COL1A2: variants seen among roughly 807,000 people sequenced by gnomAD.
The protein encoded by COL1A2 is collagen alpha-2(I) chain.
Under a neutral mutation model 174.3 loss-of-function variants are expected in COL1A2, and 49 were observed. The ratio of observed to expected loss-of-function variants is 0.28; its 90% CI spans 0.22 to 0.36. The LOEUF (loss-of-function observed/expected upper bound fraction) is 0.36. Ranked by LOEUF, COL1A2 falls within the 10% of genes least tolerant of loss-of-function variation. The probability of loss-of-function intolerance (pLI) is 1.00; values close to 1 mark genes in which losing one functional copy is unlikely to be tolerated. For synonymous variants in COL1A2, 655 were observed against 606.6 expected (o/e 1.08, Z -1.17); for missense variants, 1,438 against 1,822.7 (o/e 0.79, Z 3.84).
chr7:94,425,235 C>A lies in COL1A2; in HGVS notation c.2781+11C>A. 4 of 1,608,544 alleles carry A rather than the reference C, an allele frequency of 2.5e-6. No individual in the cohort carries two copies. Among genetic ancestry groups the A allele is most frequent in the Non-Finnish European group, 3.4e-6 (4 of 1,174,974 alleles). On this transcript the variant is annotated intron_variant, in intron 42 of 51. Coordinates refer to ENST00000297268, the MANE Select transcript of COL1A2 (RefSeq NM_000089.4). Reference sequence around the variant, plus strand: ...GAAGCTGGTCGTGATGTGAGTCCAACACTTGGTTTGTAAAATAAAACTGAG... The same window carrying A: ...GAAGCTGGTCGTGATGTGAGTCCAAAACTTGGTTTGTAAAATAAAACTGAG...
intron 29 of COL1A2, 54 bp downstream of exon 29, chr7:94,414,329 CT>C: frequency 1.4e-6 from 2 of 1,417,652 alleles, no homozygotes; most frequent in Admixed American, 1.7e-5. Context: ...GAATTTCCCC[CT>C]GTTTAATACC....
chr7:94,415,360 C>A, intron 30 of COL1A2, 90 bp downstream of exon 30: 1 of 1,077,348 alleles, frequency 9.3e-7, no homozygotes, highest in South Asian at 1.2e-5. Context: ...GATGACCCTG[C>A]AACAAGTCTC....
In COL1A2 at chr7:94,404,677, T is replaced by C. The variant is rs747034815; in HGVS notation, c.325-16T>C. ...GAAATAAAGGCTTGGAGTATGACAT[T>C]CTTTTTTTCTTTTAGGGCCCTCAAG... On this transcript the variant is annotated splice_polypyrimidine_tract_variant and intron_variant, in intron 7 of 51. Transcript: ENST00000297268. 1 of 1,614,026 alleles carries C rather than the reference T, an allele frequency of 6.2e-7. No homozygotes were observed. Among genetic ancestry groups the C allele is most frequent in the East Asian group, 2.2e-5 (1 of 44,898 alleles).
intron 31 of COL1A2, chr7:94,417,465 A>G (rs2115920562): frequency 4.1e-6 from 2 of 485,080 alleles, no homozygotes; most frequent in Admixed American, 3.3e-5. Flanking sequence ...CATGCCTGCC[A>G]TCCTTAAGAG....
chr7:94,417,949 A>G, intron 32 of COL1A2, 118 bp downstream of exon 32: 1 of 824,986 alleles, frequency 1.2e-6, no homozygotes. Context: ...ATATCTATCT[A>G]TATACATTTC....
intron 12 of COL1A2, among the ~76,000 whole-genome samples, chr7:94,407,586 T>C (rs1178064484): frequency 6.6e-6 from 1 of 152,202 alleles, no homozygotes; most frequent in Non-Finnish European, 1.5e-5. Flanking sequence ...ATCCTGAATC[T>C]AAGGGAGAAA....
rs1792333529 is a variant in COL1A2 at position 94,428,465 on chromosome 7, T to C, written c.3699T>C (p.Asn1233=). Residue 1233 remains asparagine, a synonymous_variant, in exon 50 of 52, where the codon AAT becomes AAC. Coordinates refer to ENST00000297268, the MANE Select transcript of COL1A2 (RefSeq NM_000089.4). ...KKHVWLGETI[N]AGSQFEYNVE... is the part of the protein sequence containing the mutation. Reference sequence around the variant, plus strand: ...ACGTCTGGCTAGGAGAAACTATCAATGCTGGCAGCCAGGTGAGGAATCCCA... The same window carrying C: ...ACGTCTGGCTAGGAGAAACTATCAACGCTGGCAGCCAGGTGAGGAATCCCA... The C allele has an allele frequency of 6.2e-7, 1 of 1,613,914 alleles. No homozygotes were observed. Among genetic ancestry groups the C allele is most frequent in the Non-Finnish European group, 8.5e-7 (1 of 1,179,950 alleles).
chr7:94,429,503 A>G, intron 51 of COL1A2, 73 bp downstream of exon 51: 1 of 1,546,888 alleles, frequency 6.5e-7, no homozygotes, highest in Non-Finnish European at 8.9e-7. Flanking sequence ...ACTGCCCCCA[A>G]GGGGGGGTCT....
At chr7:94,407,608 G>A (rs935674906) in intron 12 of COL1A2, among the ~76,000 whole-genome samples, 5 of 152,070 alleles carry the variant, frequency 3.3e-5, no homozygotes, top group Non-Finnish European at 7.4e-5. Context: ...TGGGGAGGAG[G>A]TACACTCAAA....
chr7:94,425,547 A>G lies in COL1A2; in HGVS notation c.2782-63A>G, dbSNP rs567324980. 22 of 1,524,116 alleles carry G rather than the reference A, an allele frequency of 1.4e-5. No individual in the cohort carries two copies. The African/African-American group carries it at 2.9e-4, about 20-fold the overall frequency. 94.4% of individuals were successfully genotyped at this position (1,524,116 alleles called of 1,614,324 possible). On this transcript the variant is annotated intron_variant, in intron 42 of 51. Transcript: ENST00000297268. ...AAGTGATGAAGACAGAGTAGCTACA[A>G]CATAGGGGCTGGTAGGCAGCAGAGC...
intron 13 of COL1A2, 73 bp downstream of exon 13, chr7:94,407,964 TG>T: frequency 1.4e-6 from 2 of 1,383,034 alleles, no homozygotes; most frequent in Non-Finnish European, 2.0e-6. Flanking sequence ...TTAATGTTTT[TG>T]CTAATCACTG....
intron 29 of COL1A2, among the ~76,000 whole-genome samples, chr7:94,414,489 C>T (rs1476967080): frequency 1.3e-5 from 2 of 152,146 alleles, no homozygotes; most frequent in Non-Finnish European, 2.9e-5. Flanking sequence ...TGAAACATCA[C>T]CTTATGAAAG....
intron 6 of COL1A2, 144 bp downstream of exon 6, chr7:94,401,764 A>T: frequency 2.3e-6 from 1 of 428,978 alleles, no homozygotes. Flanking sequence ...TTGTTTTCAA[A>T]TTTATGAAAA....
chr7:94,419,622 C>A, intron 34 of COL1A2, 71 bp downstream of exon 34: 1 of 1,541,436 alleles, frequency 6.5e-7, no homozygotes, highest in Non-Finnish European at 9.0e-7. Flanking sequence ...CCAAAGAGCC[C>A]CAGCAATTCA....
rs746402161 is a variant in COL1A2 at position 94,409,599 on chromosome 7, G to A, written c.927G>A (p.Lys309=). The A allele has an allele frequency of 5.0e-6, 8 of 1,614,032 alleles. No individual in the cohort carries two copies. Among genetic ancestry groups the A allele is most frequent in the Admixed American group, 1.7e-5 (1 of 60,000 alleles). Residue 309 remains lysine (K), a synonymous_variant, in exon 18 of 52, where the codon AAG becomes AAA. Coordinates refer to ENST00000297268, the MANE Select transcript of COL1A2 (RefSeq NM_000089.4). Reference sequence around the variant, plus strand: ...GAGCAAACGGCCTTACTGGTGCCAAGGGTGCTGCTGTGAGTATACCTGCGT... The same window carrying A: ...GAGCAAACGGCCTTACTGGTGCCAAAGGTGCTGCTGTGAGTATACCTGCGT... The part of the protein sequence containing the change: ...NPGANGLTGA[K]GAAGLPGVAG...
At chr7:94,405,754 G>GA in intron 11 of COL1A2, 28 bp downstream of exon 11, 1 of 1,583,072 alleles carries the variant, frequency 6.3e-7, no homozygotes, top group Non-Finnish European at 8.7e-7. Flanking sequence ...TCAGAAGAGA[G>GA]AAAATGCCTA....
At chr7:94,398,112 T>C (rs1791617753) in intron 2 of COL1A2, among the ~76,000 whole-genome samples, 1 of 152,128 alleles carries the variant, frequency 6.6e-6, no homozygotes, top group Non-Finnish European at 1.5e-5. Flanking sequence ...AAAGCACTTA[T>C]TGTTAACACA....
chr7:94,417,376 G>A (rs933501973), intron 31 of COL1A2: 1 of 338,922 alleles, frequency 3.0e-6, no homozygotes, highest in Non-Finnish European at 5.7e-6. Flanking sequence ...TTCTATCTGG[G>A]CTAAGAGACT....
At chr7:94,426,396 C>G in intron 45 of COL1A2, 27 bp from the exon 46 acceptor site, 1 of 1,548,992 alleles carries the variant, frequency 6.5e-7, no homozygotes, top group Non-Finnish European at 8.8e-7. Flanking sequence ...AACGGTAAGT[C>G]TTATCCATCC....
Sources: allele counts gnomAD v4.1 joint callset (sites outside exome capture counted in the v4.1 genomes callset), GRCh38; gene constraint gnomAD v4.1.1; transcripts MANE v1.5; gene names NCBI Gene and HGNC (gene_info 2026-07-23, HGNC 2026-07-21).